Variants in UNC5D observed in about 807,000 individuals in gnomAD.
UNC5D encodes netrin receptor UNC5D.
In UNC5D, 39 loss-of-function variants were observed where a neutral mutation model predicts 105.4. The observed-to-expected ratio is 0.37, with a 90% CI of 0.29 to 0.48. The LOEUF (loss-of-function observed/expected upper bound fraction) is 0.48. Ranked by LOEUF, UNC5D falls within the 20% of genes least tolerant of loss-of-function variation. The probability of loss-of-function intolerance (pLI) is 0.98; values close to 1 mark genes in which losing one functional copy is unlikely to be tolerated. For synonymous variants in UNC5D, 452 were observed against 450.4 expected (o/e 1.00, Z -0.04); for missense variants, 991 against 1,202.4 (o/e 0.82, Z 2.60).
Position 35,750,596 on chromosome 8 carries a change from G to A in UNC5D, c.1950G>A (p.Val650=). 2 of 1,614,084 alleles carry A rather than the reference G, an allele frequency of 1.2e-6. No homozygotes were observed. The highest frequency in any genetic ancestry group is 1.7e-6 in the Non-Finnish European group (2 of 1,179,996). ...TTTCCCAACAGGAAGTGATGTCAGT[G>A]GAAGATGAATCTACATCCTGTTACT... ...QQGKWEEVMS[V]EDESTSCYCL... The change falls in exon 13 of 17, where the codon GTG becomes GTA. Residue 650 remains valine, a synonymous_variant. Coordinates refer to ENST00000404895, the MANE Select transcript of UNC5D (RefSeq NM_080872.4).
intron 11 of UNC5D, among the ~76,000 whole-genome samples, chr8:35,736,577 A>G (rs1413518850): frequency 6.6e-6 from 1 of 152,248 alleles, no homozygotes; most frequent in Non-Finnish European, 1.5e-5. Context: ...GTTAAGCCCC[A>G]TAAGCAAATC....
intron 1 of UNC5D, among the ~76,000 whole-genome samples, chr8:35,458,950 C>A (rs531551375): frequency 6.6e-6 from 1 of 152,238 alleles, no homozygotes; most frequent in African/African-American, 2.4e-5. Context: ...GATGCAGTGG[C>A]ATTTTAATTA....
At chr8:35,341,559 C>T (rs1290623310) in intron 1 of UNC5D, among the ~76,000 whole-genome samples, 1 of 151,666 alleles carries the variant, frequency 6.6e-6, no homozygotes, top group African/African-American at 2.4e-5. Context: ...TTCTCTTTCG[C>T]CATTTTAAAA....
At chr8:35,399,335 T>G (rs1305054928) in intron 1 of UNC5D, among the ~76,000 whole-genome samples, 1 of 151,980 alleles carries the variant, frequency 6.6e-6, no homozygotes, top group Non-Finnish European at 1.5e-5. Flanking sequence ...AATCCAGACA[T>G]TGCTATTTTT....
At position 35,512,476 on chromosome 8, in the gene UNC5D, AT is replaced by A. The variant is rs1563488052; in HGVS notation, c.104-36815del. On this transcript the variant is annotated intron_variant, in intron 1 of 16. Coordinates refer to ENST00000404895, the MANE Select transcript of UNC5D (RefSeq NM_080872.4). Reference sequence around the variant, plus strand: ...GGCTAATAGTGAGCCATATATATATATATATATATATATATATATATATATA... The same window carrying A: ...GGCTAATAGTGAGCCATATATATATAATATATATATATATATATATATATA... Among the ~76,000 whole-genome samples the A allele has an allele frequency of 7.5e-3, 776 of 102,936 alleles. 16 individuals are homozygous for A. The highest frequency in any genetic ancestry group is 0.011 in the Non-Finnish European group (606 of 53,350). 67.5% of individuals were successfully genotyped at this position (102,936 alleles called of 152,430 possible).
At chr8:35,706,135 T>C (rs1331155871) in intron 8 of UNC5D, among the ~76,000 whole-genome samples, 174 bp downstream of exon 8, 5 of 152,198 alleles carry the variant, frequency 3.3e-5, no homozygotes, top group Non-Finnish European at 7.3e-5. Context: ...AAAAGAAATA[T>C]GCACACCCCT....
At chr8:35,378,149 C>A (rs1347425922) in intron 1 of UNC5D, among the ~76,000 whole-genome samples, 1 of 152,200 alleles carries the variant, frequency 6.6e-6, no homozygotes, top group Admixed American at 6.5e-5. Flanking sequence ...GGCTTCCTGA[C>A]TGCGATCCCC....
At chr8:35,338,792 C>T (rs925143901) in intron 1 of UNC5D, among the ~76,000 whole-genome samples, 5 of 152,132 alleles carry the variant, frequency 3.3e-5, no homozygotes, top group African/African-American at 1.2e-4. Flanking sequence ...CATGCACAAG[C>T]CCTGATTTGC....
chr8:35,280,635 T>C (rs1806084474), intron 1 of UNC5D, among the ~76,000 whole-genome samples: 1 of 152,164 alleles, frequency 6.6e-6, no homozygotes, highest in African/African-American at 2.4e-5. Context: ...GTTCATATAG[T>C]CTTGGCAATA....
At chr8:35,414,062 T>A (rs1805378044) in intron 1 of UNC5D, among the ~76,000 whole-genome samples, 1 of 152,120 alleles carries the variant, frequency 6.6e-6, no homozygotes, top group African/African-American at 2.4e-5. Context: ...TCTGAAGCTC[T>A]CTAGGTTGTT....
intron 1 of UNC5D, among the ~76,000 whole-genome samples, chr8:35,440,575 G>T (rs1482247578): frequency 6.6e-6 from 1 of 151,980 alleles, no homozygotes; most frequent in Non-Finnish European, 1.5e-5. Flanking sequence ...CATTTAGCAA[G>T]TTAAGTACCT....
intron 1 of UNC5D, among the ~76,000 whole-genome samples, chr8:35,457,570 A>G (rs1231646080): frequency 6.6e-6 from 1 of 152,162 alleles, no homozygotes; most frequent in Non-Finnish European, 1.5e-5. Context: ...GCTGTTTGGA[A>G]TATGTTCTTG....
intron 15 of UNC5D, among the ~76,000 whole-genome samples, chr8:35,771,714 C>T (rs1802019201): frequency 6.6e-6 from 1 of 152,200 alleles, no homozygotes; most frequent in Non-Finnish European, 1.5e-5. Flanking sequence ...ATGCCTCCTC[C>T]ATGAAGTCTT....
At chr8:35,669,070 A>AATCT in intron 4 of UNC5D, among the ~76,000 whole-genome samples, 1 of 152,154 alleles carries the variant, frequency 6.6e-6, no homozygotes, top group East Asian at 1.9e-4. Flanking sequence ...GCATGATTTC[A>AATCT]ATCTGTCTAT....
At chr8:35,269,569 G>A (rs145690043) in intron 1 of UNC5D, among the ~76,000 whole-genome samples, 1 of 152,158 alleles carries the variant, frequency 6.6e-6, no homozygotes, top group East Asian at 1.9e-4. Flanking sequence ...ATCTTTCCCA[G>A]TAATACATAA....
At chr8:35,740,659 T>G (rs1384737839) in intron 11 of UNC5D, among the ~76,000 whole-genome samples, 1 of 152,168 alleles carries the variant, frequency 6.6e-6, no homozygotes, top group South Asian at 2.1e-4. Flanking sequence ...CATGCCGACA[T>G]TTTAATTTAA....
At chr8:35,485,914 A>T (rs1810787667) in intron 1 of UNC5D, among the ~76,000 whole-genome samples, 1 of 152,200 alleles carries the variant, frequency 6.6e-6, no homozygotes, top group East Asian at 1.9e-4. Context: ...TGCAGGTATG[A>T]GTGGAACAGG....
chr8:35,369,639 C>CT, intron 1 of UNC5D, among the ~76,000 whole-genome samples: 1 of 152,116 alleles, frequency 6.6e-6, no homozygotes, highest in Non-Finnish European at 1.5e-5. Context: ...CTGTGGAGCT[C>CT]TTTTTTCTCT....
At chr8:35,327,346 G>T (rs1296279070) in intron 1 of UNC5D, among the ~76,000 whole-genome samples, 1 of 152,172 alleles carries the variant, frequency 6.6e-6, no homozygotes, top group African/African-American at 2.4e-5. Context: ...TGCATTTTCT[G>T]CATGCCTGCT....
Sources: allele counts gnomAD v4.1 joint callset (sites outside exome capture counted in the v4.1 genomes callset), GRCh38; gene constraint gnomAD v4.1.1; transcripts MANE v1.5; gene names NCBI Gene and HGNC (gene_info 2026-07-23, HGNC 2026-07-21).